Variants in SLC36A1 observed in about 807,000 individuals in gnomAD.
The protein encoded by SLC36A1 is proton-coupled amino acid transporter 1.
In SLC36A1, 30 loss-of-function variants were observed where a neutral mutation model predicts 47.5. The ratio of observed to expected loss-of-function variants is 0.63; its 90% CI spans 0.47 to 0.86. The LOEUF is 0.86. SLC36A1 is among the 40% of genes least tolerant of loss of function. The pLI is 0.00. For missense variants in SLC36A1, 517 were observed against 606.0 expected (o/e 0.85, Z 1.54); for synonymous variants, 255 against 249.7 (o/e 1.02, Z -0.20).
chr5:151,370,638 A>T, the SLC36A1 span, among the ~76,000 whole-genome samples: 1 of 152,206 alleles, frequency 6.6e-6, no homozygotes, highest in African/African-American at 2.4e-5. Flanking sequence ...TCATTAAATT[A>T]TAATATCAAA....
At chr5:151,352,249 A>G in the SLC36A1 span, among the ~76,000 whole-genome samples, 1 of 152,016 alleles carries the variant, frequency 6.6e-6, no homozygotes, top group South Asian at 2.1e-4. Flanking sequence ...GCTTCTCACA[A>G]TTTGTAATTA....
the SLC36A1 span, chr5:151,543,817 G>T: frequency 6.2e-7 from 1 of 1,613,944 alleles, no homozygotes; most frequent in Non-Finnish European, 8.5e-7. Flanking sequence ...GTTGAACATA[G>T]AAATTATTCC....
At chr5:151,419,811 T>C in the SLC36A1 span, 10 of 152,160 alleles carry the variant, frequency 6.6e-5, no homozygotes, top group Non-Finnish European at 1.5e-4. Context: ...GGGACAGATA[T>C]CAACATTGGA....
At chr5:151,531,877 G>A in the SLC36A1 span, 11 of 1,614,156 alleles carry the variant, frequency 6.8e-6, no homozygotes, top group Admixed American at 5.0e-5. The surrounding 1 kb of genome is among the most constrained non-coding windows in gnomAD (Gnocchi z 5.7). Flanking sequence ...GACCTGCAGC[G>A]GCTTTTCCAG....
chr5:151,405,975 G>A, the SLC36A1 span, among the ~76,000 whole-genome samples: 1 of 152,178 alleles, frequency 6.6e-6, no homozygotes, highest in Non-Finnish European at 1.5e-5. Flanking sequence ...TTACAGATAG[G>A]CTGTTACTCA....
the SLC36A1 span, among the ~76,000 whole-genome samples, chr5:151,551,903 G>A: frequency 6.6e-6 from 1 of 151,756 alleles, no homozygotes. Context: ...AATATGTTTA[G>A]TGACATGGAA....
At chr5:151,450,411 T>C (rs1753467727) in intron 1 of SLC36A1, among the ~76,000 whole-genome samples, 1 of 151,748 alleles carries the variant, frequency 6.6e-6, no homozygotes, top group African/African-American at 2.4e-5. Flanking sequence ...CTTACTAGCA[T>C]GTAGAGTGGA....
the SLC36A1 span, chr5:151,387,114 AGCACTT>A: frequency 6.6e-6 from 1 of 152,336 alleles, no homozygotes; most frequent in Non-Finnish European, 1.5e-5. Flanking sequence ...ATGAGGGTTC[AGCACTT>A]GCACACCCAG....
the SLC36A1 span, chr5:151,546,234 C>G: frequency 6.2e-7 from 1 of 1,614,134 alleles, no homozygotes. Flanking sequence ...GATCTTCTGC[C>G]TTCACTGTCA....
the SLC36A1 span, chr5:151,534,555 G>C: frequency 2.5e-6 from 4 of 1,613,946 alleles, no homozygotes; most frequent in East Asian, 2.2e-5. Flanking sequence ...TGCCTGGCAC[G>C]ATCGGCCACC....
At chr5:151,550,641 C>T in the SLC36A1 span, 1 of 1,614,174 alleles carries the variant, frequency 6.2e-7, no homozygotes, top group Non-Finnish European at 8.5e-7. Context: ...CCAATTTTCC[C>T]ACCGTTACCA....
chr5:151,372,036 G>A, the SLC36A1 span, among the ~76,000 whole-genome samples: 1 of 152,162 alleles, frequency 6.6e-6, no homozygotes, highest in South Asian at 2.1e-4. Context: ...TGCCTTGTGA[G>A]TTTGGTGAAC....
chr5:151,382,018 C>T, the SLC36A1 span: 1 of 628,916 alleles, frequency 1.6e-6, no homozygotes, highest in Non-Finnish European at 2.9e-6. Context: ...GTGCTTATGC[C>T]CAGCCCGGGA....
the SLC36A1 span, among the ~76,000 whole-genome samples, chr5:151,351,186 T>C: frequency 6.6e-6 from 1 of 152,168 alleles, no homozygotes; most frequent in South Asian, 2.1e-4. Flanking sequence ...CAAGGTCATT[T>C]CGTTGACTCA....
the SLC36A1 span, among the ~76,000 whole-genome samples, chr5:151,353,282 A>G: frequency 6.6e-6 from 1 of 152,232 alleles, no homozygotes; most frequent in African/African-American, 2.4e-5. Context: ...TGAGGCCCAG[A>G]GAGGAGAAGT....
chr5:151,463,635 G>C lies in SLC36A1; in HGVS notation c.226G>C (p.Gly76Arg). 6.2e-7 allele frequency: 1 copy of C among 1,614,022 alleles called. No homozygotes were observed. Among genetic ancestry groups the C allele is most frequent in the Non-Finnish European group, 8.5e-7 (1 of 1,179,914 alleles). ...ACTCCCTCTGGCGGTGAAAAATGCA[G>C]GCATCGTGGTAAGGGTCTGCATCAG... ...LGLPLAVKNA[G>R]IVMGPISLLI... Residue 76 changes from glycine (G) to arginine (R), a missense_variant, in exon 3 of 11, where the codon GGC becomes CGC. Gly to Arg is a moderately radical substitution (Grantham distance 125). Coordinates refer to ENST00000243389, the MANE Select transcript of SLC36A1 (RefSeq NM_078483.4).
At chr5:151,454,068 GGTTT>G in intron 1 of SLC36A1, among the ~76,000 whole-genome samples, 1 of 145,194 alleles carries the variant, frequency 6.9e-6, no homozygotes, top group Admixed American at 6.8e-5. Context: ...AATGTTTTAA[GGTTT>G]GTACACTTAA....
At chr5:151,347,317 C>T in the SLC36A1 span, 1 of 1,614,150 alleles carries the variant, frequency 6.2e-7, no homozygotes, top group South Asian at 1.1e-5. Context: ...TGGTCTTCTT[C>T]AAGCCTGCTG....
chr5:151,476,671 C>T lies in SLC36A1; in HGVS notation c.904C>T (p.Leu302Phe), dbSNP rs1252100703. 3.7e-6 allele frequency: 6 copies of T among 1,613,506 alleles called. No individual in the cohort carries two copies. Among genetic ancestry groups the T allele is most frequent in the African/African-American group, 1.3e-5 (1 of 74,872 alleles). The change falls in exon 9 of 11, where the codon CTC becomes TTC. Residue 302 changes from leucine (L) to phenylalanine (F), a missense_variant. Leu to Phe is a conservative substitution (Grantham distance 22). Transcript: ENST00000243389. ...CCTGGGCATGGTCATCGTCACCATC[C>T]TCTACATCAGCCTGGGGTGTCTGGG... The part of the protein sequence containing the change: ...LYLGMVIVTI[L>F]YISLGCLGYL...
Sources: allele counts gnomAD v4.1 joint callset (sites outside exome capture counted in the v4.1 genomes callset), GRCh38; gene constraint gnomAD v4.1.1; non-coding constraint Gnocchi (gnomAD v3.1); transcripts MANE v1.5; gene names NCBI Gene and HGNC (gene_info 2026-07-23, HGNC 2026-07-21).